Variants in SMIM3 observed in about 807,000 individuals in gnomAD.
SMIM3 encodes small integral membrane protein 3.
In SMIM3, 4 loss-of-function variants were observed where a neutral mutation model predicts 2.1. The ratio of observed to expected loss-of-function variants is 1.89; its 90% CI spans 0.93 to 4.31. The LOEUF (loss-of-function observed/expected upper bound fraction) is 4.31. SMIM3 is among the 30% of genes most tolerant of loss of function. The probability of loss-of-function intolerance (pLI) is 0.01; values close to 1 mark genes in which losing one functional copy is unlikely to be tolerated. For missense variants in SMIM3, 79 were observed against 77.7 expected, an observed-to-expected ratio of 1.02 and a Z score of -0.06; for synonymous variants, 29 against 30.8, an observed-to-expected ratio of 0.94 and a Z score of 0.19.
At chr5:150,788,156 A>G (rs1753312021) in intron 1 of SMIM3, among the ~76,000 whole-genome samples, 1 of 152,196 alleles carries the variant, frequency 6.6e-6, no homozygotes, top group African/African-American at 2.4e-5. Context: ...TAATTTTTAT[A>G]TAACTAGAAA....
chr5:150,785,580 C>CTTTT (rs35273478), intron 1 of SMIM3, among the ~76,000 whole-genome samples: 18 of 113,736 alleles, frequency 1.6e-4, no homozygotes, highest in Admixed American at 2.1e-4. Context: ...TATTTCTTTT[C>CTTTT]TTTTTTTTTT....
chr5:150,780,383 G>C (rs1008297979), intron 1 of SMIM3, among the ~76,000 whole-genome samples: 1 of 152,184 alleles, frequency 6.6e-6, no homozygotes, highest in Non-Finnish European at 1.5e-5. Flanking sequence ...TGCTTCTGCA[G>C]TGACAACTGA....
In SMIM3 at chr5:150,795,812, T is replaced by C. The variant is rs1293225198; in HGVS notation, c.*189T>C. Reference sequence around the variant, plus strand: ...CTCTGAGTTCCAGGTTCCTTATCTTTCAAATGGGGATGGTGATCCCTGCCC... The same window carrying C: ...CTCTGAGTTCCAGGTTCCTTATCTTCCAAATGGGGATGGTGATCCCTGCCC... On this transcript the variant is annotated 3_prime_UTR_variant, in exon 2 of 2. Transcript: ENST00000526627. 6.4e-6 allele frequency: 4 copies of C among 622,948 alleles called. No homozygotes were observed. The highest frequency in any genetic ancestry group is 1.1e-5 in the Non-Finnish European group (4 of 360,934). 38.6% of individuals were successfully genotyped at this position (622,948 alleles called of 1,614,324 possible).
At chr5:150,781,624 T>C (rs935360517) in intron 1 of SMIM3, among the ~76,000 whole-genome samples, 1 of 152,184 alleles carries the variant, frequency 6.6e-6, no homozygotes, top group African/African-American at 2.4e-5. Context: ...GACCAGGACA[T>C]AGATGTCTTT....
At chr5:150,791,652 G>A (rs535732975) in intron 1 of SMIM3, among the ~76,000 whole-genome samples, 13 of 152,208 alleles carry the variant, frequency 8.5e-5, no homozygotes, top group Admixed American at 8.5e-4. Flanking sequence ...ATCCATTCAT[G>A]GTTAATAGAC....
intron 1 of SMIM3, among the ~76,000 whole-genome samples, chr5:150,789,115 C>A (rs1160158977): frequency 6.6e-6 from 1 of 151,998 alleles, no homozygotes; most frequent in Non-Finnish European, 1.5e-5. Flanking sequence ...ATGGTTTGGG[C>A]CATATCCAAC....
chr5:150,779,829 A>AACCC (rs1753212584), intron 1 of SMIM3, among the ~76,000 whole-genome samples: 12 of 111,014 alleles, frequency 1.1e-4, no homozygotes, highest in East Asian at 2.8e-4. Context: ...GAAAGGTGTA[A>AACCC]CCCCCCCCGC....
rs1753202830 is a variant in SMIM3, at chr5:150,778,909, G to A, written c.-75G>A. On this transcript the variant is annotated 5_prime_UTR_variant, in exon 1 of 2. Coordinates refer to ENST00000526627, the MANE Select transcript of SMIM3 (RefSeq NM_032947.5). Reference sequence around the variant, plus strand: ...CTGCCAGATCCCGTGCAGTCCTGGGGACCCTGAGAAGCACCGAGCCATCCC... The same window carrying A: ...CTGCCAGATCCCGTGCAGTCCTGGGAACCCTGAGAAGCACCGAGCCATCCC... The A allele has an allele frequency of 3.9e-6, 2 of 510,870 alleles. No homozygotes were observed. Among genetic ancestry groups the A allele is most frequent in the African/African-American group, 3.9e-5 (2 of 51,336 alleles). 31.6% of individuals were successfully genotyped at this position (510,870 alleles called of 1,614,324 possible).
chr5:150,785,618 T>C (rs1191057303), intron 1 of SMIM3, among the ~76,000 whole-genome samples: 1 of 143,668 alleles, frequency 7.0e-6, no homozygotes, highest in Non-Finnish European at 1.5e-5. Context: ...AGTCTCACTC[T>C]GTTGCTCAGG....
At position 150,796,088 on chromosome 5, in the gene SMIM3, G is replaced by T; in HGVS notation, c.*465G>T. 6.3e-6 allele frequency: 1 copy of T among 159,560 alleles called. No individual in the cohort carries two copies. The highest frequency in any genetic ancestry group is 1.4e-5 in the Non-Finnish European group (1 of 72,116). 9.9% of individuals were successfully genotyped at this position (159,560 alleles called of 1,614,324 possible). ...CTGTCCCCATTCCAAGGGGCCAGCA[G>T]CACTTTGGCCCAAAGTATTTTCTTT... On this transcript the variant is annotated 3_prime_UTR_variant, in exon 2 of 2. Coordinates refer to ENST00000526627, the MANE Select transcript of SMIM3 (RefSeq NM_032947.5).
rs765539610 is a variant in SMIM3, at chr5:150,778,981, G to A, written c.-12+9G>A. ...ACTCGCCGCCATCTGGGGTGAGTGG[G>A]GCCACCGGGGGATTGTTTGTGGGGC... On this transcript the variant is annotated intron_variant, in intron 1 of 1. Coordinates refer to ENST00000526627, the MANE Select transcript of SMIM3 (RefSeq NM_032947.5). The A allele has an allele frequency of 4.0e-6, 2 of 494,898 alleles. No homozygotes were observed. Among genetic ancestry groups the A allele is most frequent in the African/African-American group, 2.0e-5 (1 of 50,882 alleles). The allele number at this position is 494,898 out of a possible 1,614,324, so 30.7% of individuals were successfully genotyped here. A position where few individuals can be genotyped will look rare whatever the true frequency, so the allele number is the denominator to read the frequency against.
chr5:150,779,220 C>T (rs998721709), intron 1 of SMIM3, among the ~76,000 whole-genome samples: 5 of 152,136 alleles, frequency 3.3e-5, no homozygotes, highest in Admixed American at 1.3e-4. Context: ...CTGGGGGAGG[C>T]GGAGCTTGGG....
At chr5:150,793,113 C>A (rs1753365854) in intron 1 of SMIM3, among the ~76,000 whole-genome samples, 2 of 150,844 alleles carry the variant, frequency 1.3e-5, no homozygotes, top group African/African-American at 2.4e-5. Flanking sequence ...TCTATGATTT[C>A]TTTCAGCAGC....
chr5:150,783,914 CTTTTTTT>C (rs557905770), intron 1 of SMIM3, among the ~76,000 whole-genome samples: 9,360 of 124,218 alleles, frequency 0.075, 397 homozygotes, highest in East Asian at 0.24. Flanking sequence ...TTTGAACTCC[CTTTTTTT>C]TTTTTTTTTT....
At chr5:150,791,825 C>T (rs539618334) in intron 1 of SMIM3, among the ~76,000 whole-genome samples, 23 of 152,214 alleles carry the variant, frequency 1.5e-4, no homozygotes, top group African/African-American at 5.5e-4. Flanking sequence ...TTTGAGGAAC[C>T]TCCATTCTGT....
At chr5:150,791,398 T>C (rs891018752) in intron 1 of SMIM3, among the ~76,000 whole-genome samples, 4 of 152,078 alleles carry the variant, frequency 2.6e-5, no homozygotes, top group Admixed American at 1.3e-4. Context: ...TTGACCAGTA[T>C]CTCCCCATTC....
intron 1 of SMIM3, 55 bp from the exon 2 acceptor site, chr5:150,795,375 C>T (rs1581623976): frequency 6.3e-7 from 1 of 1,584,280 alleles, no homozygotes; most frequent in African/African-American, 1.3e-5. Context: ...TCCTTCTAAC[C>T]AGGGAGGCAG....
chr5:150,784,948 C>A (rs886101764), intron 1 of SMIM3, among the ~76,000 whole-genome samples: 3 of 152,000 alleles, frequency 2.0e-5, no homozygotes, highest in Admixed American at 2.0e-4. Flanking sequence ...TTAACAAAGT[C>A]TAATATGATT....
chr5:150,785,669 A>C (rs1355499059), intron 1 of SMIM3, among the ~76,000 whole-genome samples: 1 of 132,014 alleles, frequency 7.6e-6, no homozygotes, highest in Non-Finnish European at 1.5e-5. Context: ...TGCAACCCCC[A>C]TCTCCTGGGT....
Sources: allele counts gnomAD v4.1 joint callset (sites outside exome capture counted in the v4.1 genomes callset), GRCh38; gene constraint gnomAD v4.1.1; transcripts MANE v1.5; gene names NCBI Gene and HGNC (gene_info 2026-07-23, HGNC 2026-07-21).